SMG1: variants seen among roughly 807,000 people sequenced by gnomAD.
SMG1 encodes the protein serine/threonine-protein kinase SMG1.
In SMG1, 22 loss-of-function variants were observed where a neutral mutation model predicts 419.9. That is an observed-to-expected ratio of 0.05 (90% confidence interval 0.04 to 0.07). The LOEUF (loss-of-function observed/expected upper bound fraction) is 0.07, where lower values mean the gene tolerates loss of function less well. Among genes scored for constraint, SMG1 ranks in the 10% least tolerant of loss-of-function variants. The pLI is 1.00. For synonymous variants in SMG1, 1,538 were observed against 1,553.5 expected (o/e 0.99, Z 0.23); for missense variants, 3,185 against 4,342.0 (o/e 0.73, Z 7.49).
intron 13 of SMG1, among the ~76,000 whole-genome samples, chr16:18,874,903 C>T (rs866739497): frequency 1.9e-4 from 18 of 94,570 alleles, no homozygotes; most frequent in South Asian, 1.3e-3. Flanking sequence ...AAAAAAAAGC[C>T]TTTTTTTTTT....
Position 18,847,357 on chromosome 16 carries a change from G to A in SMG1, c.5996+96C>T. 8 of 1,340,840 alleles carry A rather than the reference G, an allele frequency of 6.0e-6. No homozygotes were observed. The South Asian group carries it at 7.9e-5, about 13-fold the overall frequency. 83.1% of individuals were successfully genotyped at this position (1,340,840 alleles called of 1,614,324 possible). On this transcript the variant is annotated intron_variant, in intron 38 of 62. Coordinates refer to ENST00000446231, the MANE Select transcript of SMG1 (RefSeq NM_015092.5). ...TGAATGTATTTAATGCCACTGAATT[G>A]TACACTTAAAAATTAAAATAGTAAA...
In SMG1 at chr16:18,850,005, T is replaced by C; in HGVS notation, c.5405A>G (p.Glu1802Gly). The C allele has an allele frequency of 1.2e-6, 2 of 1,613,988 alleles. No individual in the cohort carries two copies. The highest frequency in any genetic ancestry group is 8.5e-7 in the Non-Finnish European group (1 of 1,179,892). Residue 1802 changes from glutamate (E) to glycine (G), a missense_variant, in exon 35 of 63, where the codon GAG becomes GGG. Glu to Gly is a moderately conservative substitution (Grantham distance 98). Around this residue, in one of 27 missense-constraint regions of SMG1, gnomAD observed 493 missense variants for 552.9 expected, o/e 0.89. Transcript: ENST00000446231. ...GCCGTGCTCCAGATACTGCCGAAGCTCACCAGCATGCTTCACGAGCAACCG... is the reference window on the plus strand; with the variant it reads ...GCCGTGCTCCAGATACTGCCGAAGCCCACCAGCATGCTTCACGAGCAACCG... ...LLRLLVKHAG[E>G]LRQYLEHGLE...
At chr16:18,861,026 C>T (rs971585582) in intron 25 of SMG1, 5 of 384,890 alleles carry the variant, frequency 1.3e-5, no homozygotes, top group African/African-American at 1.1e-4. Context: ...AGCTGACTCG[C>T]CCCTGTGTCT....
chr16:18,903,368 C>T (rs374371280), intron 1 of SMG1, among the ~76,000 whole-genome samples: 3 of 152,144 alleles, frequency 2.0e-5, no homozygotes, highest in Non-Finnish European at 4.4e-5. Flanking sequence ...CATCCATGCC[C>T]CAGTGCTCCT....
intron 1 of SMG1, among the ~76,000 whole-genome samples, chr16:18,902,637 G>A (rs1215121491): frequency 6.6e-6 from 1 of 151,662 alleles, no homozygotes; most frequent in East Asian, 1.9e-4. Context: ...GAGGGAGGAG[G>A]TCAGGGCACA....
chr16:18,864,395 A>C (rs898436920), intron 23 of SMG1, among the ~76,000 whole-genome samples: 4 of 151,682 alleles, frequency 2.6e-5, no homozygotes, highest in Non-Finnish European at 4.4e-5. Context: ...ACGGGGTTTC[A>C]CCGTGTTGGC....
rs973434304 is a variant in SMG1, at chr16:18,879,501, G to C, written c.1512C>G (p.Leu504=). 3 of 823,280 alleles carry C rather than the reference G, an allele frequency of 3.6e-6. No homozygotes were observed. In the East Asian group the frequency reaches 7.9e-5, roughly 22 times the overall value. 51.0% of individuals were successfully genotyped at this position (823,280 alleles called of 1,614,324 possible). The change falls in exon 11 of 63, where the codon CTC becomes CTG. Residue 504 remains leucine, a synonymous_variant. Transcript: ENST00000446231. ...TDYIISVLNL[L]TLIVEQINTK... is the part of the protein sequence containing the mutation. ...AAAAGAATAATTCACATACCAGCGT[G>C]AGTAAATTCAAGACTGAGATGATAT...
At position 18,885,182 on chromosome 16, in the gene SMG1, G is replaced by A. The variant is rs534882087; in HGVS notation, c.949-20C>T. The A allele has an allele frequency of 1.2e-4, 83 of 718,640 alleles. No individual in the cohort carries two copies. Among genetic ancestry groups the A allele is most frequent in the Non-Finnish European group, 1.8e-4 (78 of 429,840 alleles). The allele number at this position is 718,640 out of a possible 1,614,324, so 44.5% of individuals were successfully genotyped here. A position where few individuals can be genotyped will look rare whatever the true frequency, so the allele number is the denominator to read the frequency against. ...TGTATCCTTGATGGAAACAAAGAGAGAGGGGGCCAATCATTTTAAGATATT... is the reference window on the plus strand; with the variant it reads ...TGTATCCTTGATGGAAACAAAGAGAAAGGGGGCCAATCATTTTAAGATATT... On this transcript the variant is annotated intron_variant, in intron 7 of 62. Transcript: ENST00000446231.
At chr16:18,816,636 GA>G in intron 57 of SMG1, 107 bp from the exon 58 acceptor site, 1 of 832,454 alleles carries the variant, frequency 1.2e-6, no homozygotes. Flanking sequence ...GACACAAAGA[GA>G]ACCTCCATTG....
rs1051300597 is a variant in SMG1 at position 18,835,925 on chromosome 16, C to T, written c.8057+8G>A. 1 of 1,550,234 alleles carries T rather than the reference C, an allele frequency of 6.5e-7. No homozygotes were observed. Among genetic ancestry groups the T allele is most frequent in the Non-Finnish European group, 8.7e-7 (1 of 1,145,610 alleles). Reference sequence around the variant, plus strand: ...AAAATAAAAGAAAATTAAGCACTATCAACTTACTTCCTATAGAGCTCTTGA... The same window carrying T: ...AAAATAAAAGAAAATTAAGCACTATTAACTTACTTCCTATAGAGCTCTTGA... On this transcript the variant is annotated splice_region_variant and intron_variant, in intron 48 of 62. Coordinates refer to ENST00000446231, the MANE Select transcript of SMG1 (RefSeq NM_015092.5).
chr16:18,849,758 AG>A (rs1253778175), intron 35 of SMG1, among the ~76,000 whole-genome samples, 190 bp downstream of exon 35: 1 of 152,220 alleles, frequency 6.6e-6, no homozygotes, highest in East Asian at 1.9e-4. Flanking sequence ...CCTGCCTTTC[AG>A]CTTCCCATTT....
At chr16:18,888,151 C>G (rs1392732960) in intron 6 of SMG1, among the ~76,000 whole-genome samples, 2 of 91,374 alleles carry the variant, frequency 2.2e-5, no homozygotes, top group East Asian at 5.6e-4. Flanking sequence ...GACAACAGAG[C>G]AAGACTCTGC....
At chr16:18,845,910 G>A (rs1459915014) in intron 38 of SMG1, among the ~76,000 whole-genome samples, 1 of 151,950 alleles carries the variant, frequency 6.6e-6, no homozygotes, top group African/African-American at 2.4e-5. Context: ...CCACCTCCCG[G>A]GTTCAAGCAA....
At chr16:18,875,799 C>T (rs963851211) in intron 13 of SMG1, 164 of 389,066 alleles carry the variant, frequency 4.2e-4, no homozygotes, top group African/African-American at 3.0e-3. Context: ...AAAACAACTA[C>T]ACAAATTTGA....
chr16:18,829,057 A>G (rs1280872475), intron 54 of SMG1, among the ~76,000 whole-genome samples: 1 of 152,224 alleles, frequency 6.6e-6, no homozygotes, highest in African/African-American at 2.4e-5. Flanking sequence ...CCTTGATGGA[A>G]AGAAATTCTA....
intron 3 of SMG1, among the ~76,000 whole-genome samples, chr16:18,894,532 C>G (rs2037029342): frequency 6.6e-6 from 1 of 152,038 alleles, no homozygotes; most frequent in South Asian, 2.1e-4. Flanking sequence ...GCTTCAAATA[C>G]TCTATTTTAA....
intron 1 of SMG1, among the ~76,000 whole-genome samples, chr16:18,901,308 C>T (rs2037336952): frequency 1.3e-5 from 2 of 152,182 alleles, no homozygotes; most frequent in African/African-American, 4.8e-5. Context: ...ACTGCAGCCT[C>T]GACCTCATGG....
In SMG1 at chr16:18,849,300, C is replaced by A. The variant is rs372689174; in HGVS notation, c.5540G>T (p.Arg1847Leu). 1 of 1,613,538 alleles carries A rather than the reference C, an allele frequency of 6.2e-7. No homozygotes were observed. Among genetic ancestry groups the A allele is most frequent in the Non-Finnish European group, 8.5e-7 (1 of 1,179,640 alleles). The change falls in exon 36 of 63, where the codon CGT becomes CTT. Residue 1847 changes from arginine to leucine, a missense_variant. By Grantham distance (102) the Arg-to-Leu change is moderately radical. This residue lies in a region of SMG1 where 130 missense variants were observed against 162.0 expected (regional missense o/e 0.80). Coordinates refer to ENST00000446231, the MANE Select transcript of SMG1 (RefSeq NM_015092.5). ...VRQSICNLLC[R>L]VAQDSPHLIL... Reference sequence around the variant, plus strand: ...GAGATGTGGGGAATCTTGAGCCACACGGCAGAGAAGGTTACAAATACTTTG... The same window carrying A: ...GAGATGTGGGGAATCTTGAGCCACAAGGCAGAGAAGGTTACAAATACTTTG...
At chr16:18,829,060 A>C (rs2032972701) in intron 54 of SMG1, among the ~76,000 whole-genome samples, 1 of 152,222 alleles carries the variant, frequency 6.6e-6, no homozygotes, top group Non-Finnish European at 1.5e-5. Context: ...TGATGGAAAG[A>C]AATTCTAAGG....
Sources: allele counts gnomAD v4.1 joint callset (sites outside exome capture counted in the v4.1 genomes callset), GRCh38; gene constraint gnomAD v4.1.1; regional missense constraint gnomAD v4.1.1; transcripts MANE v1.5; gene names NCBI Gene and HGNC (gene_info 2026-07-23, HGNC 2026-07-21).